The following OPTC variants were observed in gnomAD, a reference collection of about 807,000 sequenced individuals.
OPTC encodes oculoglycan.
In OPTC, 22 loss-of-function variants were observed where a neutral mutation model predicts 25.4. That is an observed-to-expected ratio of 0.87 (90% CI 0.62 to 1.24). OPTC has a LOEUF of 1.24. Among genes scored for constraint, OPTC ranks in the 50% most tolerant of loss-of-function variants. The pLI is 0.00. For missense variants in OPTC, 417 were observed against 425.2 expected, an observed-to-expected ratio of 0.98 and a Z score of 0.17; for synonymous variants, 169 against 179.3, an observed-to-expected ratio of 0.94 and a Z score of 0.46.
chr1:203,498,867 T>C, intron 4 of OPTC, 28 bp downstream of exon 4: 2 of 1,610,874 alleles, frequency 1.2e-6, no homozygotes, highest in African/African-American at 1.3e-5. Flanking sequence ...AAAAGAGGAG[T>C]GGGGGCAGGC....
At chr1:203,496,674 G>T (rs1217248256) in intron 2 of OPTC, among the ~76,000 whole-genome samples, 1 of 152,122 alleles carries the variant, frequency 6.6e-6, no homozygotes, top group East Asian at 1.9e-4. Flanking sequence ...TGGAGCAGGG[G>T]AAGAGTGCCG....
chr1:203,507,763 G>A (rs565361567), intron 7 of OPTC, among the ~76,000 whole-genome samples: 7 of 148,952 alleles, frequency 4.7e-5, no homozygotes, highest in African/African-American at 1.7e-4. Flanking sequence ...TTTTTCCAAA[G>A]GTTACCCAGC....
Position 203,502,951 on chromosome 1 carries a change from A to T in OPTC, c.770A>T (p.Asn257Ile). Residue 257 changes from asparagine (N) to isoleucine (I), a missense_variant, in exon 6 of 8, where the codon AAC (asparagine) becomes ATC (isoleucine). Asn to Ile is a moderately radical substitution (Grantham distance 149). Coordinates refer to ENST00000367222, the MANE Select transcript of OPTC (RefSeq NM_014359.4). The stretch of plus-strand genomic sequence containing the variant: ...CTGCAGTTCCTTTACCTGTCAGACA[A>T]CCTGCTGGATTCTATCCCGGGGCCT... ...EKLQFLYLSD[N>I]LLDSIPGPLP... 6.2e-7 allele frequency: 1 copy of T among 1,613,954 alleles called. No homozygotes were observed. The highest frequency in any genetic ancestry group is 8.5e-7 in the Non-Finnish European group (1 of 1,180,030).
At chr1:203,501,320 C>T (rs1379264811) in intron 5 of OPTC, among the ~76,000 whole-genome samples, 1 of 152,134 alleles carries the variant, frequency 6.6e-6, no homozygotes, top group Non-Finnish European at 1.5e-5. Context: ...AGGCTGGTCT[C>T]GAACTCCTGA....
intron 1 of OPTC, among the ~76,000 whole-genome samples, chr1:203,494,911 C>T (rs1661253953): frequency 6.6e-6 from 1 of 152,164 alleles, no homozygotes. Context: ...TGCACACACA[C>T]ACAAATATAC....
In OPTC at chr1:203,506,151, TC is replaced by T. The variant is rs200712095; in HGVS notation, c.*25+2407del. 4.7e-3 allele frequency among the ~76,000 whole-genome samples: 443 copies of T among 93,532 alleles called. 3 individuals are homozygous for T. Among genetic ancestry groups the T allele is most frequent in the Middle Eastern group, 0.014 (3 of 210 alleles). 61.4% of individuals were successfully genotyped at this position (93,532 alleles called of 152,430 possible). A position where few individuals can be genotyped will look rare whatever the true frequency, so the allele number is the denominator to read the frequency against. On this transcript the variant is annotated intron_variant, in intron 7 of 7. Coordinates refer to ENST00000367222, the MANE Select transcript of OPTC (RefSeq NM_014359.4). ...GATTGAGGAATCCAATTTTCTTTTT[TC>T]TTTTTTTTTTTTTTTTGAGATGGAG... is the stretch of plus-strand genomic sequence containing the variant.
At chr1:203,498,933 T>A in intron 4 of OPTC, 94 bp downstream of exon 4, 1 of 1,387,632 alleles carries the variant, frequency 7.2e-7, no homozygotes, top group East Asian at 2.3e-5. Context: ...GTGCCCCCCG[T>A]GTTAGCTCTT....
At chr1:203,502,670 C>T (rs532370885) in intron 5 of OPTC, among the ~76,000 whole-genome samples, 14 of 152,346 alleles carry the variant, frequency 9.2e-5, no homozygotes, top group Admixed American at 9.1e-4. Context: ...CTCTTTCCTA[C>T]TTCAGTGGCT....
intron 3 of OPTC, among the ~76,000 whole-genome samples, chr1:203,497,865 A>G (rs960159660): frequency 2.6e-5 from 4 of 152,154 alleles, no homozygotes; most frequent in South Asian, 2.1e-4. Context: ...AGGATAAGAA[A>G]GATGCTGGGG....
chr1:203,503,935 C>A (rs532205763), intron 7 of OPTC, among the ~76,000 whole-genome samples, 190 bp downstream of exon 7: 24 of 152,332 alleles, frequency 1.6e-4, no homozygotes, highest in African/African-American at 5.8e-4. Context: ...GCCAAATTTG[C>A]ATTTCTCCAT....
intron 3 of OPTC, 23 bp downstream of exon 3, chr1:203,497,138 G>T (rs28462337): frequency 1.1e-4 from 182 of 1,613,284 alleles, no homozygotes; most frequent in Non-Finnish European, 1.4e-4. Context: ...TCACATGGTC[G>T]CAATATCCCT....
At chr1:203,508,547 T>G (rs1402788746) in intron 7 of OPTC, 99 bp from the exon 8 acceptor site, 1 of 38,698 alleles carries the variant, frequency 2.6e-5, no homozygotes, top group Non-Finnish European at 5.4e-5. Context: ...ACCCCCTCCC[T>G]GTCTAGCTGC....
intron 3 of OPTC, 149 bp downstream of exon 3, chr1:203,497,264 T>C: frequency 2.5e-6 from 2 of 800,878 alleles, no homozygotes; most frequent in Non-Finnish European, 2.1e-6. Flanking sequence ...GAAGGGGAAA[T>C]AGCCACAGTA....
chr1:203,500,854 C>G (rs2102222690), intron 5 of OPTC, among the ~76,000 whole-genome samples: 1 of 152,342 alleles, frequency 6.6e-6, no homozygotes, highest in East Asian at 1.9e-4. Context: ...GGACAACTCT[C>G]TCTCCCTCTT....
At chr1:203,497,915 G>A (rs1661306193) in intron 3 of OPTC, among the ~76,000 whole-genome samples, 1 of 152,204 alleles carries the variant, frequency 6.6e-6, no homozygotes, top group Non-Finnish European at 1.5e-5. Flanking sequence ...ACTGCTGGCA[G>A]AGAAGAGCTC....
In OPTC at chr1:203,508,809, A is replaced by G. The variant is rs1661545516; in HGVS notation, c.*189A>G. On this transcript the variant is annotated 3_prime_UTR_variant, in exon 8 of 8. Transcript: ENST00000367222. ...TCTCCCTTCTCCCTGCGGGTGACAA[A>G]GAAGCCCAAGGACCACCTCCTTCCT... The G allele has an allele frequency of 6.6e-6, 1 of 152,272 alleles. No homozygotes were observed. The highest frequency in any genetic ancestry group is 2.4e-5 in the African/African-American group (1 of 41,526). The allele number at this position is 152,272 out of a possible 1,614,324, so 9.4% of individuals were successfully genotyped here. A position where few individuals can be genotyped will look rare whatever the true frequency, so the allele number is the denominator to read the frequency against.
At chr1:203,500,665 C>T (rs925692465) in intron 5 of OPTC, among the ~76,000 whole-genome samples, 2 of 152,206 alleles carry the variant, frequency 1.3e-5, no homozygotes, top group African/African-American at 4.8e-5. Context: ...CCTCATGGGC[C>T]TGTTACTGGC....
At chr1:203,504,162 T>C (rs959711842) in intron 7 of OPTC, among the ~76,000 whole-genome samples, 1 of 152,190 alleles carries the variant, frequency 6.6e-6, no homozygotes, top group East Asian at 1.9e-4. Context: ...GATTACTAAA[T>C]TTTCCAGAAT....
intron 1 of OPTC, among the ~76,000 whole-genome samples, chr1:203,495,543 C>CAT (rs1380505029): frequency 1.3e-5 from 2 of 152,104 alleles, no homozygotes; most frequent in East Asian, 3.8e-4. Context: ...AAAAAGACCC[C>CAT]ATAAGATTAT....
Sources: gnomAD v4.1 joint callset for allele counts (sites outside exome capture counted in the v4.1 genomes callset) on GRCh38, gnomAD v4.1.1 for gene constraint, MANE v1.5 for transcripts, NCBI Gene and HGNC (gene_info 2026-07-23, HGNC 2026-07-21) for gene names.